The following PCDHA2 variants were observed in gnomAD, a reference collection of about 807,000 sequenced individuals.
PCDHA2 encodes the protein protocadherin alpha 2.
In PCDHA2, 58 loss-of-function variants were observed where a neutral mutation model predicts 66.0. The ratio of observed to expected loss-of-function variants is 0.88; its 90% confidence interval spans 0.71 to 1.09. The LOEUF (loss-of-function observed/expected upper bound fraction) is 1.09, where lower values mean the gene tolerates loss of function less well. Ranked by LOEUF, PCDHA2 falls within the 50% of genes least tolerant of loss-of-function variation. The pLI is 0.00. For synonymous variants in PCDHA2, 634 were observed against 554.0 expected (o/e 1.14, Z -2.03); for missense variants, 1,267 against 1,242.3 (o/e 1.02, Z -0.30).
rs781902121 is a variant in PCDHA2 at position 140,870,112 on chromosome 5, G to A, written c.2388+72760G>A. The A allele has an allele frequency of 1.2e-6, 2 of 1,613,938 alleles. No individual in the cohort carries two copies. The highest frequency in any genetic ancestry group is 8.5e-7 in the Non-Finnish European group (1 of 1,179,896). ...AATGGCAGGTCACTGTACAGTCTGG[G>A]TGGAAATCTTGGACACCAACGATAA... On this transcript the variant is annotated intron_variant, in intron 1 of 3. Coordinates refer to ENST00000526136, the MANE Select transcript of PCDHA2 (RefSeq NM_018905.3).
intron 1 of PCDHA2, among the ~76,000 whole-genome samples, chr5:140,892,783 T>C (rs1554185363): frequency 6.6e-6 from 1 of 152,168 alleles, no homozygotes; most frequent in African/African-American, 2.4e-5. Context: ...TTCTTGAAAA[T>C]ATGTAAGAAA....
At chr5:140,848,653 G>A (rs2150416159) in intron 1 of PCDHA2, 1 of 1,592,724 alleles carries the variant, frequency 6.3e-7, no homozygotes, top group Admixed American at 1.7e-5. Context: ...CAGGACCTGG[G>A]GCTGGAGCTG....
At chr5:140,927,981 T>C (rs2084836319) in intron 1 of PCDHA2, 2 of 1,614,206 alleles carry the variant, frequency 1.2e-6, no homozygotes, top group Non-Finnish European at 1.7e-6. Flanking sequence ...CTCTCTTTAG[T>C]GTAAAGGATG....
At chr5:140,801,840 A>T in intron 1 of PCDHA2, 1 of 1,614,144 alleles carries the variant, frequency 6.2e-7, no homozygotes, top group Non-Finnish European at 8.5e-7. Context: ...AATAACAGCA[A>T]TTGATGGTGG....
intron 1 of PCDHA2, among the ~76,000 whole-genome samples, chr5:140,847,077 G>T (rs2150397168): frequency 6.7e-6 from 1 of 149,668 alleles, no homozygotes; most frequent in East Asian, 1.9e-4. Flanking sequence ...ATGACAAGTA[G>T]AAAAGTCCAC....
chr5:140,993,460 TCTCACACACACA>T (rs2097560533), intron 3 of PCDHA2, among the ~76,000 whole-genome samples: 2 of 104,506 alleles, frequency 1.9e-5, no homozygotes, highest in South Asian at 3.7e-4. Context: ...CTTCTTTCTT[TCTCACACACACA>T]CACACACACA....
chr5:140,924,318 G>C (rs550515387), intron 1 of PCDHA2, among the ~76,000 whole-genome samples: 71 of 152,282 alleles, frequency 4.7e-4, no homozygotes, highest in African/African-American at 1.3e-3. Context: ...AATTTTATCT[G>C]AGACTTGGTG....
intron 1 of PCDHA2, chr5:140,883,833 C>G: frequency 6.2e-7 from 1 of 1,612,590 alleles, no homozygotes; most frequent in Non-Finnish European, 8.5e-7. Flanking sequence ...GCGCTGCAGC[C>G]GTTGGACCAC....
chr5:140,838,214 A>C (rs1211623203), intron 1 of PCDHA2, among the ~76,000 whole-genome samples: 1 of 149,876 alleles, frequency 6.7e-6, no homozygotes, highest in Non-Finnish European at 1.5e-5. Context: ...CTCTGGTACA[A>C]GCAGTTCTCA....
rs1554125129 is a variant in PCDHA2, at chr5:140,809,304, C to A, written c.2388+11952C>A. 4 of 1,614,122 alleles carry A rather than the reference C, an allele frequency of 2.5e-6. No individual in the cohort carries two copies. In the Admixed American group the frequency reaches 6.7e-5, roughly 27 times the overall value. On this transcript the variant is annotated intron_variant, in intron 1 of 3. Coordinates refer to ENST00000526136, the MANE Select transcript of PCDHA2 (RefSeq NM_018905.3). ...GTATACCTGATCATTGCCATCTGCGCGGTGTCCAGCCTTTTGGTGCTCACG... is the reference window on the plus strand; with the variant it reads ...GTATACCTGATCATTGCCATCTGCGAGGTGTCCAGCCTTTTGGTGCTCACG...
intron 2 of PCDHA2, among the ~76,000 whole-genome samples, chr5:140,982,084 A>G (rs2096965344): frequency 6.6e-6 from 1 of 152,266 alleles, no homozygotes; most frequent in East Asian, 1.9e-4. Flanking sequence ...TAGAGAACCT[A>G]GGAACAAGAG....
chr5:140,823,438 C>T, intron 1 of PCDHA2: 2 of 1,613,332 alleles, frequency 1.2e-6, no homozygotes, highest in South Asian at 1.1e-5. Context: ...GGTGTTCGTG[C>T]TGGACGAGAA....
intron 1 of PCDHA2, chr5:140,866,744 A>G (rs980107592): frequency 1.3e-5 from 2 of 152,180 alleles, no homozygotes; most frequent in African/African-American, 2.4e-5. Flanking sequence ...TAATACTTAT[A>G]TGACTAACAG....
At chr5:140,902,102 G>A (rs1407664200) in intron 1 of PCDHA2, among the ~76,000 whole-genome samples, 1 of 151,098 alleles carries the variant, frequency 6.6e-6, no homozygotes, top group African/African-American at 2.4e-5. Context: ...GGAGTCTTTA[G>A]ATTTTTTTAA....
intron 1 of PCDHA2, among the ~76,000 whole-genome samples, chr5:140,932,822 A>G (rs1191525374): frequency 6.6e-6 from 1 of 151,946 alleles, no homozygotes; most frequent in Non-Finnish European, 1.5e-5. Context: ...ATAAGTGGGA[A>G]AGTATTGACA....
intron 1 of PCDHA2, chr5:140,851,727 T>C (rs1216544821): frequency 1.0e-6 from 1 of 969,522 alleles, no homozygotes; most frequent in Non-Finnish European, 1.2e-6. Flanking sequence ...AACTTCGAGT[T>C]CTTTTGAAAT....
intron 1 of PCDHA2, among the ~76,000 whole-genome samples, chr5:140,919,699 C>T (rs946203919): frequency 3.3e-5 from 5 of 152,084 alleles, no homozygotes; most frequent in African/African-American, 1.2e-4. Context: ...TTTATATTAA[C>T]TTAATTCTAG....
chr5:140,830,089 G>T, intron 1 of PCDHA2: 1 of 1,613,632 alleles, frequency 6.2e-7, no homozygotes, highest in African/African-American at 1.3e-5. Context: ...CCACGGTTCT[G>T]GTGTCGCTGG....
chr5:140,892,261 G>A (rs1221882386), intron 1 of PCDHA2, among the ~76,000 whole-genome samples: 1 of 152,020 alleles, frequency 6.6e-6, no homozygotes, highest in Admixed American at 6.6e-5. Context: ...CTTTGATTTT[G>A]TGCTGAAAGT....
Sources: gnomAD v4.1 joint callset for allele counts (sites outside exome capture counted in the v4.1 genomes callset) on GRCh38, gnomAD v4.1.1 for gene constraint, MANE v1.5 for transcripts, NCBI Gene and HGNC (gene_info 2026-07-23, HGNC 2026-07-21) for gene names.